SLC25A19: variants seen among roughly 807,000 people sequenced by gnomAD.
SLC25A19 encodes the protein solute carrier family 25 member 19.
A neutral mutation model predicts 27.9 loss-of-function variants in SLC25A19; 18 were observed. That is an observed-to-expected ratio of 0.64 (90% confidence interval 0.45 to 0.96). The LOEUF is 0.96. Among genes scored for constraint, SLC25A19 ranks in the 40% least tolerant of loss-of-function variants. The pLI is 0.00. For synonymous variants in SLC25A19, 169 were observed against 167.1 expected (o/e 1.01, Z -0.09); for missense variants, 371 against 418.3 (o/e 0.89, Z 0.99).
rs748742447 is a variant in SLC25A19, at chr17:75,278,257, G to A, written c.538C>T (p.Pro180Ser). 1 of 1,614,040 alleles carries A rather than the reference G, an allele frequency of 6.2e-7. No homozygotes were observed. The highest frequency in any genetic ancestry group is 1.1e-5 in the South Asian group (1 of 91,070). ...TAGGGGAAGATGGCGATCAAGGTGGGAGCCAAGCCTTTGTAGAAAACCTGG... is the reference window on the plus strand; with the variant it reads ...TAGGGGAAGATGGCGATCAAGGTGGAAGCCAAGCCTTTGTAGAAAACCTGG... The part of the protein sequence containing the change: ...GPQVFYKGLA[P>S]TLIAIFPYAG... The change falls in exon 6 of 8, where the codon CCC (proline) becomes TCC (serine). Residue 180 changes from proline (P) to serine (S), a missense_variant. Coordinates refer to ENST00000416858, the MANE Select transcript of SLC25A19 (RefSeq NM_001126121.2).
intron 4 of SLC25A19, among the ~76,000 whole-genome samples, chr17:75,286,078 T>A (rs2078173022): frequency 6.6e-6 from 1 of 152,198 alleles, no homozygotes; most frequent in Non-Finnish European, 1.5e-5. Context: ...CAAATCGGTC[T>A]CCAAGATGCA....
rs587780461 is a variant in SLC25A19 at position 75,283,550 on chromosome 17, C to T, written c.332G>A (p.Ser111Asn). ...EMLTELVHRG[S>N]VYDAREFSVH... Reference sequence around the variant, plus strand: ...TGAGAATTCCCGGGCGTCATACACGCTGCCTCTGTGGACCAGCTCCGTCAG... The same window carrying T: ...TGAGAATTCCCGGGCGTCATACACGTTGCCTCTGTGGACCAGCTCCGTCAG... The change falls in exon 5 of 8, where the codon AGC (serine) becomes AAC (asparagine). Residue 111 changes from serine to asparagine, a missense_variant. Coordinates refer to ENST00000416858, the MANE Select transcript of SLC25A19 (RefSeq NM_001126121.2). 40 of 1,613,600 alleles carry T rather than the reference C, an allele frequency of 2.5e-5. No homozygotes were observed. In the Admixed American group the frequency reaches 6.3e-4, roughly 26 times the overall value.
At chr17:75,281,397 C>T (rs2078035375) in intron 5 of SLC25A19, among the ~76,000 whole-genome samples, 1 of 152,050 alleles carries the variant, frequency 6.6e-6, no homozygotes, top group Non-Finnish European at 1.5e-5. Flanking sequence ...TTTGTGGAAA[C>T]CAAAGACACT....
At chr17:75,282,883 T>C (rs1243603664) in intron 5 of SLC25A19, among the ~76,000 whole-genome samples, 6 of 148,436 alleles carry the variant, frequency 4.0e-5, no homozygotes, top group Non-Finnish European at 8.9e-5. Context: ...AAAATAAAAA[T>C]AAAAATAAAA....
intron 1 of SLC25A19, among the ~76,000 whole-genome samples, chr17:75,288,814 C>T (rs1008396459): frequency 6.6e-6 from 1 of 152,080 alleles, no homozygotes; most frequent in African/African-American, 2.4e-5. Flanking sequence ...TCTCACCCAC[C>T]CTGGAACTCC....
intron 4 of SLC25A19, among the ~76,000 whole-genome samples, chr17:75,285,489 G>C (rs2078160042): frequency 6.6e-6 from 1 of 152,240 alleles, no homozygotes; most frequent in Non-Finnish European, 1.5e-5. Flanking sequence ...GACAAGTGCA[G>C]AGACAGGATC....
intron 7 of SLC25A19, among the ~76,000 whole-genome samples, chr17:75,276,211 G>C (rs550260399): frequency 6.6e-6 from 1 of 152,160 alleles, no homozygotes; most frequent in Non-Finnish European, 1.5e-5. Context: ...GGAGGCAGAG[G>C]TTGCAGTGAG....
At chr17:75,275,447 CA>C (rs535278269) in intron 7 of SLC25A19, among the ~76,000 whole-genome samples, 124 of 152,286 alleles carry the variant, frequency 8.1e-4, no homozygotes, top group African/African-American at 2.9e-3. Context: ...CTGACATTGT[CA>C]GGCATATTTT....
chr17:75,286,398 G>A lies in SLC25A19; in HGVS notation c.194C>T (p.Ala65Val), dbSNP rs1555604541. ...CTCCTCCTGCAGAATCTGCCTAGAG[G>A]CCTGGAGGATGCCATGGTACTTTGC... ...PSAKYHGILQ[A>V]SRQILQEEGP... Residue 65 changes from alanine to valine, a missense_variant, in exon 4 of 8, where the codon GCC becomes GTC. By Grantham distance (64) the Ala-to-Val change is moderately conservative. Transcript: ENST00000416858. 2.5e-6 allele frequency: 4 copies of A among 1,614,096 alleles called. No individual in the cohort carries two copies. Among genetic ancestry groups the A allele is most frequent in the East Asian group, 4.5e-5 (2 of 44,904 alleles).
intron 5 of SLC25A19, among the ~76,000 whole-genome samples, chr17:75,281,681 A>G (rs1012702956): frequency 1.3e-5 from 2 of 152,184 alleles, no homozygotes; most frequent in Non-Finnish European, 2.9e-5. Context: ...TGAGCAACAA[A>G]GTGAGACTGT....
intron 7 of SLC25A19, among the ~76,000 whole-genome samples, chr17:75,275,651 G>T (rs2077864447): frequency 6.6e-6 from 1 of 152,120 alleles, no homozygotes; most frequent in South Asian, 2.1e-4. Flanking sequence ...AACTCTCCTA[G>T]TGCACATAAA....
At chr17:75,281,782 C>CCACTTGATCTGAAAAAAAA (rs1324937001) in intron 5 of SLC25A19, among the ~76,000 whole-genome samples, 3 of 152,182 alleles carry the variant, frequency 2.0e-5, no homozygotes, top group Admixed American at 6.5e-5. Flanking sequence ...GTCCTTGATC[C>CCACTTGATCTGAAAAAAAA]AGCCCACTGC....
chr17:75,273,290 TG>T lies in SLC25A19; in HGVS notation c.*160del. On this transcript the variant is annotated 3_prime_UTR_variant, in exon 8 of 8. Transcript: ENST00000416858. ...TCTGATTCTCTCATGGGGAGAGCCC[TG>T]GACCTTCTGGTGGTGTCCCAGCTGG... The T allele has an allele frequency of 1.4e-6, 1 of 696,608 alleles. No individual in the cohort carries two copies. Among genetic ancestry groups the T allele is most frequent in the Middle Eastern group, 3.8e-4 (1 of 2,616 alleles). The allele number at this position is 696,608 out of a possible 1,614,324, so 43.2% of individuals were successfully genotyped here. A position where few individuals can be genotyped will look rare whatever the true frequency, so the allele number is the denominator to read the frequency against.
chr17:75,286,313 T>G lies in SLC25A19; in HGVS notation c.279A>C (p.Gly93=). 1.2e-6 allele frequency: 2 copies of G among 1,613,870 alleles called. No homozygotes were observed. The highest frequency in any genetic ancestry group is 2.2e-5 in the South Asian group (2 of 91,084). Residue 93 remains glycine (G), a synonymous_variant, in exon 4 of 8, where the codon GGA becomes GGC. Transcript: ENST00000416858. ...GTCCCTTGCCACCTACTTGGACAGC[T>G]CCATAGCCTATGGAGAGAATCTGAG... ...VPAQILSIGY[G]AVQFLSFEML... is the part of the protein sequence containing the mutation.
chr17:75,273,674 C>A, intron 7 of SLC25A19, 35 bp from the exon 8 acceptor site: 1 of 1,595,970 alleles, frequency 6.3e-7, no homozygotes, highest in Non-Finnish European at 8.6e-7. Flanking sequence ...TATGGATGCC[C>A]GCTCTGCTCC....
chr17:75,277,525 T>A, intron 6 of SLC25A19, 42 bp from the exon 7 acceptor site: 1 of 1,611,790 alleles, frequency 6.2e-7, no homozygotes, highest in Middle Eastern at 1.7e-4. Context: ...ATGAGAGAAA[T>A]GCAGTCTATG....
At chr17:75,284,423 C>A (rs988245974) in intron 4 of SLC25A19, among the ~76,000 whole-genome samples, 1 of 152,074 alleles carries the variant, frequency 6.6e-6, no homozygotes, top group Non-Finnish European at 1.5e-5. Flanking sequence ...AAAAAAGATA[C>A]ATGAGAACAA....
At chr17:75,273,754 T>G in intron 7 of SLC25A19, 115 bp from the exon 8 acceptor site, 1 of 887,994 alleles carries the variant, frequency 1.1e-6, no homozygotes, top group Non-Finnish European at 1.7e-6. Flanking sequence ...GAATGCAAAA[T>G]AGCAAATTAT....
In SLC25A19 at chr17:75,283,623, A is replaced by G. The variant is rs200709521; in HGVS notation, c.289-30T>C. 5 of 1,604,008 alleles carry G rather than the reference A, an allele frequency of 3.1e-6. No homozygotes were observed. In the African/African-American group the frequency reaches 4.0e-5, roughly 13 times the overall value. On this transcript the variant is annotated intron_variant, in intron 4 of 7. Coordinates refer to ENST00000416858, the MANE Select transcript of SLC25A19 (RefSeq NM_001126121.2). ...AAGAGTAAGTGAAGAAGTCACCGAC[A>G]GCCCAAAGGATGAGGGTGAGGACCA...
Sources: allele counts gnomAD v4.1 joint callset (sites outside exome capture counted in the v4.1 genomes callset), GRCh38; gene constraint gnomAD v4.1.1; transcripts MANE v1.5; gene names NCBI Gene and HGNC (gene_info 2026-07-23, HGNC 2026-07-21).